The following GRIA2 variants were observed in gnomAD, a reference collection of about 807,000 sequenced individuals.
GRIA2 encodes glutamate receptor 2.
In GRIA2, 14 loss-of-function variants were observed where a neutral mutation model predicts 97.3. The ratio of observed to expected loss-of-function variants is 0.14; its 90% confidence interval spans 0.10 to 0.23. The LOEUF is 0.23. Ranked by LOEUF, GRIA2 falls within the 10% of genes least tolerant of loss-of-function variation. GRIA2 has a pLI of 1.00. For synonymous variants in GRIA2, 412 were observed against 387.8 expected (o/e 1.06, Z -0.73); for missense variants, 558 against 1,069.8 (o/e 0.52, Z 6.67).
At chr4:157,282,165 G>A (rs1020078072) in intron 2 of GRIA2, among the ~76,000 whole-genome samples, 3 of 152,038 alleles carry the variant, frequency 2.0e-5, no homozygotes, top group African/African-American at 7.2e-5. Context: ...TAGTCTCTGT[G>A]ATGATTTTTT....
intron 2 of GRIA2, among the ~76,000 whole-genome samples, chr4:157,295,900 T>G: frequency 6.6e-6 from 1 of 152,284 alleles, no homozygotes; most frequent in South Asian, 2.1e-4. Context: ...CTTTAACAAT[T>G]TATTTCAATT....
At chr4:157,305,760 T>C (rs1482738861) in intron 3 of GRIA2, among the ~76,000 whole-genome samples, 1 of 152,158 alleles carries the variant, frequency 6.6e-6, no homozygotes, top group East Asian at 1.9e-4. Flanking sequence ...TCCTTTATAG[T>C]ACTTAGGACA....
At chr4:157,290,965 G>A (rs1472349669) in intron 2 of GRIA2, among the ~76,000 whole-genome samples, 2 of 151,878 alleles carry the variant, frequency 1.3e-5, no homozygotes, top group Admixed American at 1.3e-4. Flanking sequence ...ATATACAGAA[G>A]TGCATATGTT....
rs542025206 is a variant in GRIA2, at chr4:157,271,234, C to A, written c.230-32318C>A. ...AAGTAGTAATTTCTGTAGCAGACAC[C>A]AGGTAGGTGTCCTCCAATTTAATTC... On this transcript the variant is annotated intron_variant, in intron 2 of 15. Coordinates refer to ENST00000264426, the MANE Select transcript of GRIA2 (RefSeq NM_001083619.3). 2.6e-5 allele frequency among the ~76,000 whole-genome samples: 4 copies of A among 151,932 alleles called. No individual in the cohort carries two copies. In the South Asian group the frequency reaches 8.3e-4, roughly 32 times the overall value.
At chr4:157,316,673 A>T (rs1353824138) in intron 4 of GRIA2, among the ~76,000 whole-genome samples, 3 of 152,182 alleles carry the variant, frequency 2.0e-5, no homozygotes, top group Admixed American at 6.5e-5. Flanking sequence ...GGTACAGAAT[A>T]GGAAAGTTGA....
chr4:157,354,247 T>C (rs1007120111), intron 12 of GRIA2, among the ~76,000 whole-genome samples: 4 of 152,278 alleles, frequency 2.6e-5, no homozygotes, highest in South Asian at 2.1e-4. Flanking sequence ...ATAAAATTAA[T>C]ATATAAGCAA....
At chr4:157,346,451 C>T (rs1034880596) in intron 12 of GRIA2, among the ~76,000 whole-genome samples, 4 of 151,896 alleles carry the variant, frequency 2.6e-5, no homozygotes, top group African/African-American at 9.7e-5. Context: ...TTGCCTATTC[C>T]TAGGAAGGCA....
intron 11 of GRIA2, among the ~76,000 whole-genome samples, chr4:157,336,997 T>C (rs189154394): frequency 6.6e-6 from 1 of 152,222 alleles, no homozygotes; most frequent in Admixed American, 6.6e-5. Flanking sequence ...ATGCATAAGG[T>C]TCCTATCATT....
chr4:157,317,782 C>A, intron 5 of GRIA2, 71 bp downstream of exon 5: 1 of 679,960 alleles, frequency 1.5e-6, no homozygotes, highest in South Asian at 1.7e-5. Context: ...TTTTGAATGG[C>A]CAGCATTTAT....
chr4:157,360,919 C>T, intron 13 of GRIA2, 91 bp from the exon 14 acceptor site: 1 of 925,564 alleles, frequency 1.1e-6, no homozygotes, highest in Non-Finnish European at 1.7e-6. Flanking sequence ...AGAGTTGCCA[C>T]AGAAGCCAAA....
intron 12 of GRIA2, among the ~76,000 whole-genome samples, chr4:157,358,698 T>C (rs1736500862): frequency 6.6e-6 from 1 of 152,126 alleles, no homozygotes; most frequent in Admixed American, 6.6e-5. Flanking sequence ...GCATCTCTGT[T>C]ATGCTATCAT....
chr4:157,256,190 AAC>A (rs1189940195), intron 2 of GRIA2, among the ~76,000 whole-genome samples: 74 of 135,790 alleles, frequency 5.4e-4, no homozygotes, highest in African/African-American at 1.8e-3. Flanking sequence ...TATAATATAT[AAC>A]ATATATTACA....
intron 2 of GRIA2, among the ~76,000 whole-genome samples, chr4:157,232,021 A>G (rs1730042296): frequency 6.6e-6 from 1 of 152,216 alleles, no homozygotes; most frequent in Non-Finnish European, 1.5e-5. Flanking sequence ...ACAATTTAAG[A>G]CTAAAATACG....
chr4:157,249,632 C>T (rs989851307), intron 2 of GRIA2: 2 of 152,132 alleles, frequency 1.3e-5, no homozygotes, highest in Non-Finnish European at 2.9e-5. Flanking sequence ...AGAAAGTACT[C>T]ACTGAATGAT....
intron 6 of GRIA2, among the ~76,000 whole-genome samples, chr4:157,327,436 A>G (rs773809950): frequency 4.6e-5 from 7 of 152,132 alleles, no homozygotes; most frequent in Non-Finnish European, 8.8e-5. Context: ...ATCTGACCTG[A>G]CCCATCATAG....
chr4:157,305,160 T>C (rs1339602319), intron 3 of GRIA2, among the ~76,000 whole-genome samples: 1 of 152,174 alleles, frequency 6.6e-6, no homozygotes. Flanking sequence ...TTTTTAGTTT[T>C]TCCTCTTGTT....
chr4:157,245,665 T>C (rs533796349), intron 2 of GRIA2, among the ~76,000 whole-genome samples: 1 of 152,030 alleles, frequency 6.6e-6, no homozygotes, highest in South Asian at 2.1e-4. Context: ...GGCAATAAAT[T>C]ATCAGTATTT....
chr4:157,248,056 C>CGT (rs1251771333), intron 2 of GRIA2, among the ~76,000 whole-genome samples: 6 of 151,226 alleles, frequency 4.0e-5, no homozygotes, highest in African/African-American at 1.2e-4. Context: ...AACTCTTTGA[C>CGT]GTGTATATAT....
At chr4:157,341,736 G>T (rs1231256152) in intron 12 of GRIA2, among the ~76,000 whole-genome samples, 1 of 152,132 alleles carries the variant, frequency 6.6e-6, no homozygotes, top group African/African-American at 2.4e-5. Flanking sequence ...CAAAATTGAA[G>T]CAAAGTATAG....
Sources: gnomAD v4.1 joint callset for allele counts (sites outside exome capture counted in the v4.1 genomes callset) on GRCh38, gnomAD v4.1.1 for gene constraint, MANE v1.5 for transcripts, NCBI Gene and HGNC (gene_info 2026-07-23, HGNC 2026-07-21) for gene names.